The following SSX2IP variants were observed in gnomAD, a reference collection of about 807,000 sequenced individuals.
SSX2IP encodes afadin- and alpha-actinin-binding protein.
A neutral mutation model predicts 84.9 loss-of-function variants in SSX2IP; 55 were observed. The ratio of observed to expected loss-of-function variants is 0.65; its 90% confidence interval spans 0.52 to 0.81. The LOEUF (loss-of-function observed/expected upper bound fraction) is 0.81. Among genes scored for constraint, SSX2IP ranks in the 30% least tolerant of loss-of-function variants. SSX2IP has a pLI of 0.00. For synonymous variants in SSX2IP, 239 were observed against 234.7 expected, an observed-to-expected ratio of 1.02 and a Z score of -0.17; for missense variants, 664 against 705.2, an observed-to-expected ratio of 0.94 and a Z score of 0.66.
Position 84,670,707 on chromosome 1 carries a change from CTG to C in SSX2IP, c.150_151del (p.His50GlnfsTer11), listed in dbSNP as rs754436274. On this transcript the variant is annotated frameshift_variant, in exon 3 of 14. Transcript: ENST00000342203. LOFTEE classifies it high-confidence loss of function. ...TTCTGTGCAGAAGGCACTGAAAAAA[CTG>C]TGCACATTTTTCGATAAAGGTATTG... 5.0e-6 allele frequency: 8 copies of C among 1,612,904 alleles called. No individual in the cohort carries two copies. Among genetic ancestry groups the C allele is most frequent in the East Asian group, 2.2e-5 (1 of 44,788 alleles).
intron 1 of SSX2IP, among the ~76,000 whole-genome samples, chr1:84,681,351 A>G (rs1309851315): frequency 6.6e-6 from 1 of 152,216 alleles, no homozygotes; most frequent in East Asian, 1.9e-4. Context: ...CAGCCAGGCT[A>G]TTCTGGGATT....
At chr1:84,688,931 C>T (rs117321060) in intron 1 of SSX2IP, among the ~76,000 whole-genome samples, 1 of 152,276 alleles carries the variant, frequency 6.6e-6, no homozygotes, top group East Asian at 1.9e-4. Context: ...ACTAAAAGAG[C>T]CTTCGTTTTA....
intron 9 of SSX2IP, 118 bp from the exon 10 acceptor site, chr1:84,656,602 G>GT: frequency 1.0e-6 from 1 of 954,616 alleles, no homozygotes. Flanking sequence ...AATTTTATAG[G>GT]TTTTCTAAAA....
rs1462342070 is a variant in SSX2IP, at chr1:84,645,370, G to A, written c.*2063C>T. 1 of 152,116 alleles carries A rather than the reference G, an allele frequency of 6.6e-6. No homozygotes were observed. Among genetic ancestry groups the A allele is most frequent in the Admixed American group, 6.6e-5 (1 of 15,266 alleles). The allele number at this position is 152,116 out of a possible 1,614,324, so 9.4% of individuals were successfully genotyped here. A position where few individuals can be genotyped will look rare whatever the true frequency, so the allele number is the denominator to read the frequency against. The stretch of plus-strand genomic sequence containing the variant: ...TAAAATGTACAACTTCTGGATCTAT[G>A]CAGACATTGAAGGTGCAATGAGTCT... On this transcript the variant is annotated 3_prime_UTR_variant, in exon 14 of 14. Coordinates refer to ENST00000342203, the MANE Select transcript of SSX2IP (RefSeq NM_001166293.2).
At chr1:84,686,886 G>C (rs1655873417) in intron 1 of SSX2IP, among the ~76,000 whole-genome samples, 1 of 152,014 alleles carries the variant, frequency 6.6e-6, no homozygotes, top group Non-Finnish European at 1.5e-5. Flanking sequence ...CACCAAATAA[G>C]AAAAGGAAAA....
At chr1:84,651,748 T>C (rs2102180492) in intron 12 of SSX2IP, 135 bp downstream of exon 12, 2 of 589,484 alleles carry the variant, frequency 3.4e-6, no homozygotes, top group East Asian at 5.9e-5. Flanking sequence ...AAAAAAAAGT[T>C]GACTTTTAGT....
chr1:84,658,479 A>C lies in SSX2IP; in HGVS notation c.928-11T>G. 6.2e-7 allele frequency: 1 copy of C among 1,611,444 alleles called. No homozygotes were observed. The highest frequency in any genetic ancestry group is 8.5e-7 in the Non-Finnish European group (1 of 1,178,444). On this transcript the variant is annotated splice_polypyrimidine_tract_variant and intron_variant, in intron 8 of 13. Coordinates refer to ENST00000342203, the MANE Select transcript of SSX2IP (RefSeq NM_001166293.2). ...AACATCGGAAATAACCTACAAGCGG[A>C]GAGAGATGAAGAGGAAAGGCTAGTA...
Position 84,664,572 on chromosome 1 carries a change from T to C in SSX2IP, c.538-20A>G. On this transcript the variant is annotated intron_variant, in intron 5 of 13. Coordinates refer to ENST00000342203, the MANE Select transcript of SSX2IP (RefSeq NM_001166293.2). ...TTGCACCTGAAAAAGGCATTTGCTA[T>C]TATAAGCCCAGTAACGATTCACAAA... The C allele has an allele frequency of 1.3e-6, 2 of 1,560,172 alleles. No individual in the cohort carries two copies. Among genetic ancestry groups the C allele is most frequent in the Non-Finnish European group, 8.6e-7 (1 of 1,160,126 alleles).
chr1:84,666,165 T>C lies in SSX2IP; in HGVS notation c.494A>G (p.Lys165Arg), dbSNP rs780427696. ...LQERDRQLQC[K>R]NRNLHQLLKN... ...TAGTAGCTGATGCAAATTCCTGTTC[T>C]TACATTGTAACTGTCTGTCTCTTTC... The change falls in exon 5 of 14, where the codon AAG (lysine) becomes AGG (arginine). Residue 165 changes from lysine to arginine, a missense_variant. Lys to Arg is a conservative substitution (Grantham distance 26). Coordinates refer to ENST00000342203, the MANE Select transcript of SSX2IP (RefSeq NM_001166293.2). The C allele has an allele frequency of 3.1e-6, 5 of 1,612,914 alleles. No homozygotes were observed. The Admixed American group carries it at 8.4e-5, about 27-fold the overall frequency.
intron 1 of SSX2IP, among the ~76,000 whole-genome samples, chr1:84,676,719 C>CCTTTT (rs1654389521): frequency 2.0e-5 from 2 of 99,460 alleles, no homozygotes. Context: ...TGCTCTTTTC[C>CCTTTT]TTTTTTTTTT....
At chr1:84,690,344 T>G (rs1656455320) in intron 1 of SSX2IP, 27 bp downstream of exon 1, 3 of 133,566 alleles carry the variant, frequency 2.2e-5, no homozygotes, top group South Asian at 5.4e-4. Flanking sequence ...CGCGTCACAA[T>G]CCCCGACGCG....
Position 84,684,618 on chromosome 1 carries a change from C to T in SSX2IP, c.-90+5753G>A, listed in dbSNP as rs117895024. The stretch of plus-strand genomic sequence containing the variant: ...CCAGCAAGTCCACTCCTAGTGAAAC[C>T]CAATCGAAACTCTTGCCTACGTATG... On this transcript the variant is annotated intron_variant, in intron 1 of 13. Transcript: ENST00000342203. 4.7e-3 allele frequency among the ~76,000 whole-genome samples: 721 copies of T among 152,146 alleles called. 25 individuals are homozygous for T. In the East Asian group the frequency reaches 0.076, roughly 16 times the overall value.
rs182724666 is a variant in SSX2IP, at chr1:84,655,923, T to C, written c.1298A>G (p.Lys433Arg). The part of the protein sequence containing the change: ...CYLLEEKERL[K>R]EEWSLFKEQK... ...CTCTTTAAAAAGGGACCATTCTTCT[T>C]TGAGACGTTCCTTTTCTTCCAACAA... Residue 433 changes from lysine (K) to arginine (R), a missense_variant, in exon 11 of 14, where the codon AAA becomes AGA. Coordinates refer to ENST00000342203, the MANE Select transcript of SSX2IP (RefSeq NM_001166293.2). 6.2e-7 allele frequency: 1 copy of C among 1,613,766 alleles called. No individual in the cohort carries two copies. The highest frequency in any genetic ancestry group is 8.5e-7 in the Non-Finnish European group (1 of 1,179,744).
intron 9 of SSX2IP, 54 bp from the exon 10 acceptor site, chr1:84,656,538 A>G: frequency 1.3e-6 from 2 of 1,542,196 alleles, no homozygotes; most frequent in Non-Finnish European, 1.7e-6. Flanking sequence ...CTTAGTTTAC[A>G]GTGTTTTGCA....
At chr1:84,658,809 AAGC>A (rs1651503315) in intron 8 of SSX2IP, among the ~76,000 whole-genome samples, 1 of 152,244 alleles carries the variant, frequency 6.6e-6, no homozygotes, top group Admixed American at 6.5e-5. Flanking sequence ...AGGTTTAGAG[AAGC>A]AGCATTACAA....
chr1:84,689,639 C>A (rs1264838885), intron 1 of SSX2IP, among the ~76,000 whole-genome samples: 1 of 152,188 alleles, frequency 6.6e-6, no homozygotes, highest in South Asian at 2.1e-4. Context: ...GTGCAGACAG[C>A]AAATTAGTAT....
At chr1:84,648,086 A>G (rs1484614207) in intron 13 of SSX2IP, among the ~76,000 whole-genome samples, 1 of 152,148 alleles carries the variant, frequency 6.6e-6, no homozygotes, top group Non-Finnish European at 1.5e-5. Flanking sequence ...CCTTTATATA[A>G]AATTCCATTC....
At chr1:84,654,364 G>C (rs1336240468) in intron 11 of SSX2IP, among the ~76,000 whole-genome samples, 3 of 151,876 alleles carry the variant, frequency 2.0e-5, no homozygotes, top group African/African-American at 7.3e-5. Flanking sequence ...AGGAGAAATG[G>C]AATAATTCAA....
At chr1:84,674,322 T>C (rs765179428) in intron 1 of SSX2IP, among the ~76,000 whole-genome samples, 4 of 152,110 alleles carry the variant, frequency 2.6e-5, no homozygotes, top group East Asian at 1.9e-4. Context: ...ACAGGGCTAT[T>C]TGGTATAAAT....
Sources: gnomAD v4.1 joint callset for allele counts (sites outside exome capture counted in the v4.1 genomes callset) on GRCh38, gnomAD v4.1.1 for gene constraint, MANE v1.5 for transcripts, NCBI Gene and HGNC (gene_info 2026-07-23, HGNC 2026-07-21) for gene names.